RBMS3: variants seen among roughly 807,000 people sequenced by gnomAD.
RBMS3 encodes the protein RNA-binding motif, single-stranded-interacting protein 3.
RBMS3 carries 27 observed loss-of-function variants against 66.8 expected under a neutral mutation model. The observed-to-expected ratio is 0.40, with a 90% confidence interval of 0.30 to 0.56. RBMS3 has a LOEUF of 0.56. Ranked by LOEUF, RBMS3 falls within the 20% of genes least tolerant of loss-of-function variation. The pLI is 0.40. For synonymous variants in RBMS3, 188 were observed against 183.0 expected, an observed-to-expected ratio of 1.03 and a Z score of -0.22; for missense variants, 513 against 549.5, an observed-to-expected ratio of 0.93 and a Z score of 0.66.
chr3:29,547,591 G>T lies in RBMS3; in HGVS notation c.308-39523G>T, dbSNP rs535000634. Among the ~76,000 whole-genome samples, 3 of 151,956 alleles carry T rather than the reference G, an allele frequency of 2.0e-5. No homozygotes were observed. In the East Asian group the frequency reaches 5.8e-4, roughly 29 times the overall value. On this transcript the variant is annotated intron_variant, in intron 3 of 14. Coordinates refer to ENST00000383767, the MANE Select transcript of RBMS3 (RefSeq NM_001003793.3). ...TTATATTTAATTTTTTCATATTGCTGAGGGATATTTTCTGATTCAGGGGAT... is the reference window on the plus strand; with the variant it reads ...TTATATTTAATTTTTTCATATTGCTTAGGGATATTTTCTGATTCAGGGGAT...
intron 3 of RBMS3, among the ~76,000 whole-genome samples, chr3:29,560,872 T>C (rs561547578): frequency 1.3e-5 from 2 of 152,340 alleles, no homozygotes; most frequent in African/African-American, 4.8e-5. Flanking sequence ...TTATTTTTCC[T>C]GGTTCTCTTC....
chr3:29,946,826 T>G (rs1379276919), intron 12 of RBMS3, among the ~76,000 whole-genome samples: 1 of 151,548 alleles, frequency 6.6e-6, no homozygotes, highest in Non-Finnish European at 1.5e-5. Flanking sequence ...GGGGGTTCAT[T>G]TGAAGCTATG....
chr3:29,654,057 CA>C (rs1468996878), intron 4 of RBMS3, among the ~76,000 whole-genome samples: 1 of 152,084 alleles, frequency 6.6e-6, no homozygotes, highest in Non-Finnish European at 1.5e-5. Flanking sequence ...TACATTTCTG[CA>C]AAACAGGAAA....
chr3:29,900,070 T>C (rs1033853311), intron 10 of RBMS3, among the ~76,000 whole-genome samples: 3 of 151,874 alleles, frequency 2.0e-5, no homozygotes, highest in Non-Finnish European at 4.4e-5. Flanking sequence ...CCATTTCTTA[T>C]GCATGAGGAA....
chr3:29,692,991 C>T (rs186507468), intron 4 of RBMS3, among the ~76,000 whole-genome samples: 92 of 152,178 alleles, frequency 6.0e-4, no homozygotes, highest in Middle Eastern at 3.4e-3. Flanking sequence ...GACTAGACAT[C>T]CTGATTTATG....
intron 11 of RBMS3, among the ~76,000 whole-genome samples, chr3:29,938,115 A>G (rs542394169): frequency 6.6e-6 from 1 of 152,120 alleles, no homozygotes; most frequent in East Asian, 1.9e-4. Flanking sequence ...AGAGCTAGTT[A>G]ACTAAGCATA....
At chr3:29,484,846 T>C (rs987078664) in intron 2 of RBMS3, among the ~76,000 whole-genome samples, 2 of 152,192 alleles carry the variant, frequency 1.3e-5, no homozygotes, top group African/African-American at 2.4e-5. Flanking sequence ...TAATGTTTCA[T>C]CCATTAAATA....
At chr3:29,773,560 A>G (rs1230768813) in intron 6 of RBMS3, among the ~76,000 whole-genome samples, 1 of 152,080 alleles carries the variant, frequency 6.6e-6, no homozygotes, top group East Asian at 1.9e-4. Flanking sequence ...TGCCCTAAAG[A>G]AAAAGAACTC....
At chr3:29,639,972 A>G (rs761692513) in intron 4 of RBMS3, among the ~76,000 whole-genome samples, 8 of 151,814 alleles carry the variant, frequency 5.3e-5, no homozygotes, top group Non-Finnish European at 1.0e-4. Context: ...ACTTTTTGCT[A>G]TAATGTGTTG....
chr3:29,294,292 T>A (rs2033065587), intron 1 of RBMS3, among the ~76,000 whole-genome samples: 1 of 151,832 alleles, frequency 6.6e-6, no homozygotes, highest in Admixed American at 6.6e-5. Context: ...TCCACATGGA[T>A]ACAATCTCTT....
chr3:29,281,706 C>G lies in RBMS3; in HGVS notation c.25C>G (p.Gln9Glu). 6.2e-7 allele frequency: 1 copy of G among 1,613,636 alleles called. No individual in the cohort carries two copies. Among genetic ancestry groups the G allele is most frequent in the Admixed American group, 1.7e-5 (1 of 59,974 alleles). ...CATGGGCAAACGCCTGGATCAGCCA[C>G]AAATGTACCCCCAGTACACTTACTA... MGKRLDQP[Q>E]MYPQYTYYYP... is the part of the protein sequence containing the mutation. The change falls in exon 1 of 15, where the codon CAA (glutamine) becomes GAA (glutamate). Residue 9 changes from glutamine (Q) to glutamate (E), a missense_variant. Physicochemically the swap from Gln to Glu is conservative, Grantham distance 29. Transcript: ENST00000383767.
At chr3:29,923,166 T>C (rs1000835528) in intron 10 of RBMS3, among the ~76,000 whole-genome samples, 1 of 152,196 alleles carries the variant, frequency 6.6e-6, no homozygotes, top group Non-Finnish European at 1.5e-5. Context: ...GCCCTGAACA[T>C]GTTTTCAAGG....
intron 1 of RBMS3, among the ~76,000 whole-genome samples, chr3:29,301,378 A>G (rs986045431): frequency 1.3e-5 from 2 of 152,042 alleles, no homozygotes; most frequent in African/African-American, 2.4e-5. Context: ...TATTAAGGAA[A>G]TAATTCGTAA....
intron 12 of RBMS3, among the ~76,000 whole-genome samples, chr3:29,966,378 A>T (rs1050131439): frequency 2.0e-5 from 3 of 152,096 alleles, no homozygotes; most frequent in African/African-American, 7.2e-5. Flanking sequence ...GTCGTCTATG[A>T]TTACTTTCAG....
intron 4 of RBMS3, among the ~76,000 whole-genome samples, chr3:29,595,233 C>T (rs1445905855): frequency 6.6e-6 from 1 of 151,554 alleles, no homozygotes; most frequent in Non-Finnish European, 1.5e-5. Flanking sequence ...CCTGTCTCTA[C>T]TAAAAATACA....
At chr3:29,614,419 A>G (rs2048591305) in intron 4 of RBMS3, 1 of 152,192 alleles carries the variant, frequency 6.6e-6, no homozygotes, top group Non-Finnish European at 1.5e-5. Flanking sequence ...TATTGTTAAT[A>G]ACAATTTATT....
chr3:29,491,095 C>T (rs1289140531), intron 3 of RBMS3, among the ~76,000 whole-genome samples: 2 of 152,088 alleles, frequency 1.3e-5, no homozygotes, highest in Non-Finnish European at 2.9e-5. Flanking sequence ...AAAAACTGTA[C>T]CCTTCTATAA....
intron 6 of RBMS3, among the ~76,000 whole-genome samples, chr3:29,794,597 A>T (rs1447926479): frequency 6.6e-6 from 1 of 152,130 alleles, no homozygotes; most frequent in Non-Finnish European, 1.5e-5. Flanking sequence ...AAAAATAAAC[A>T]AACAACAACA....
intron 7 of RBMS3, among the ~76,000 whole-genome samples, chr3:29,874,259 A>T (rs73055703): frequency 0.14 from 21,931 of 152,166 alleles, 1,711 homozygotes; most frequent in Middle Eastern, 0.24. Flanking sequence ...CATTTCAGAG[A>T]CATAGAATTA....
Sources: allele counts gnomAD v4.1 joint callset (sites outside exome capture counted in the v4.1 genomes callset), GRCh38; gene constraint gnomAD v4.1.1; transcripts MANE v1.5; gene names NCBI Gene and HGNC (gene_info 2026-07-23, HGNC 2026-07-21).